The following CLIC5 variants were observed in gnomAD, a reference collection of about 807,000 sequenced individuals.
CLIC5 encodes the protein CLIC family member 5, also known as chloride intracellular channel protein 5.
Under a neutral mutation model 24.7 loss-of-function variants are expected in CLIC5, and 20 were observed. The ratio of observed to expected loss-of-function variants is 0.81; its 90% confidence interval spans 0.57 to 1.18. CLIC5 has a LOEUF of 1.18. CLIC5 is among the 50% of genes most tolerant of loss of function. CLIC5 has a pLI of 0.00. For missense variants in CLIC5, 341 were observed against 326.1 expected, an observed-to-expected ratio of 1.05 and a Z score of -0.35; for synonymous variants, 159 against 135.6, an observed-to-expected ratio of 1.17 and a Z score of -1.20.
upstream of CLIC5, among the ~76,000 whole-genome samples, chr6:46,081,619 T>TATC (rs1217733713): frequency 6.6e-6 from 1 of 152,208 alleles, no homozygotes; most frequent in Non-Finnish European, 1.5e-5. Context: ...CTTACACATT[T>TATC]TGATAGGTTC....
chr6:46,043,180 C>A (rs1581893551), intron 1 of CLIC5, among the ~76,000 whole-genome samples: 1 of 152,146 alleles, frequency 6.6e-6, no homozygotes, highest in South Asian at 2.1e-4. Context: ...ATTAACGGTG[C>A]TGATAATGAT....
chr6:46,092,173 G>A, the CLIC5 span, among the ~76,000 whole-genome samples: 1 of 152,258 alleles, frequency 6.6e-6, no homozygotes, highest in Non-Finnish European at 1.5e-5. Context: ...TGGGTAAATT[G>A]ATTTGTCCAA....
chr6:45,989,509 C>T (rs1765856179), intron 1 of CLIC5, among the ~76,000 whole-genome samples: 1 of 152,170 alleles, frequency 6.6e-6, no homozygotes, highest in African/African-American at 2.4e-5. Context: ...GATAATATTA[C>T]TGTTTGACCA....
chr6:45,921,142 C>A (rs1226937935), intron 4 of CLIC5, among the ~76,000 whole-genome samples: 5 of 152,156 alleles, frequency 3.3e-5, no homozygotes, highest in Admixed American at 6.6e-5. Context: ...CCGCAGTGAC[C>A]TTTCTAGGAC....
intron 1 of CLIC5, among the ~76,000 whole-genome samples, chr6:46,039,735 G>T (rs1180598180): frequency 4.6e-5 from 7 of 152,070 alleles, no homozygotes; most frequent in Non-Finnish European, 8.8e-5. Flanking sequence ...AATGAACAGA[G>T]AATTCATCTA....
At chr6:45,883,731 G>A (rs1341482616) in intron 6 of CLIC5, 1 of 152,254 alleles carries the variant, frequency 6.6e-6, no homozygotes, top group African/African-American at 2.4e-5. Context: ...GAAACACAGT[G>A]CCACAAGGGG....
the CLIC5 span, among the ~76,000 whole-genome samples, chr6:46,116,631 T>C: frequency 2.6e-5 from 4 of 152,176 alleles, no homozygotes; most frequent in Admixed American, 6.5e-5. Flanking sequence ...ATTTGAACAA[T>C]AGGGTAAGGC....
chr6:45,898,219 A>C (rs2127287844), downstream of CLIC5, among the ~76,000 whole-genome samples: 1 of 152,206 alleles, frequency 6.6e-6, no homozygotes, highest in East Asian at 1.9e-4. Context: ...ATTACAGTCG[A>C]ATCACTTGAG....
chr6:46,041,517 C>T (rs944285401), intron 1 of CLIC5, among the ~76,000 whole-genome samples: 2 of 152,204 alleles, frequency 1.3e-5, no homozygotes, highest in Non-Finnish European at 2.9e-5. Flanking sequence ...CCCAGTTCTT[C>T]GTTCCTCACT....
intron 1 of CLIC5, among the ~76,000 whole-genome samples, chr6:46,047,068 A>C (rs771859925): frequency 6.6e-6 from 1 of 152,208 alleles, no homozygotes; most frequent in Non-Finnish European, 1.5e-5. Flanking sequence ...CAAAATTTGC[A>C]AGCATAAGAT....
intron 1 of CLIC5, among the ~76,000 whole-genome samples, chr6:45,973,279 C>T (rs779189343): frequency 6.6e-6 from 1 of 152,188 alleles, no homozygotes; most frequent in Admixed American, 6.5e-5. Flanking sequence ...AAACTGGGCT[C>T]TCTAAAGGTG....
At chr6:45,947,411 T>C (rs1356953117) in intron 3 of CLIC5, among the ~76,000 whole-genome samples, 8 of 151,354 alleles carry the variant, frequency 5.3e-5, no homozygotes, top group East Asian at 3.9e-4. Context: ...GTTCAAGAGG[T>C]GAAGGGACTG....
chr6:45,979,951 CTTTTTTT>C (rs3997321), intron 1 of CLIC5, among the ~76,000 whole-genome samples: 4 of 95,042 alleles, frequency 4.2e-5, no homozygotes, highest in African/African-American at 1.2e-4. Flanking sequence ...GACTTAGTCA[CTTTTTTT>C]TTTTTTTTTT....
the CLIC5 span, among the ~76,000 whole-genome samples, chr6:46,098,717 T>C: frequency 6.6e-6 from 1 of 152,154 alleles, no homozygotes; most frequent in Non-Finnish European, 1.5e-5. Flanking sequence ...AACGGAAGCA[T>C]AACTATTGCT....
intron 1 of CLIC5, among the ~76,000 whole-genome samples, chr6:46,051,858 G>A (rs1246913842): frequency 3.3e-5 from 5 of 152,164 alleles, no homozygotes; most frequent in Non-Finnish European, 5.9e-5. Context: ...ATGGCACCCA[G>A]CTATTATGTT....
exon 1 of CLIC5, chr6:46,079,979 G>A: frequency 1.3e-6 from 2 of 1,551,722 alleles, no homozygotes; most frequent in Non-Finnish European, 1.7e-6. Flanking sequence ...GGAGTTCAGA[G>A]TATATCTCAT....
At position 45,999,020 on chromosome 6, in the gene CLIC5, A is replaced by G. The variant is rs140151301; in HGVS notation, c.63+16460T>C. 1.6e-3 allele frequency among the ~76,000 whole-genome samples: 239 copies of G among 152,308 alleles called. 1 individual carries two copies. The highest frequency in any genetic ancestry group is 5.5e-3 in the African/African-American group (227 of 41,580). ...TTACAGAGGACATTTGCTGACCTCAACCTAGGCTATGAGAGCTCCAAGGCC... is the reference window on the plus strand; with the variant it reads ...TTACAGAGGACATTTGCTGACCTCAGCCTAGGCTATGAGAGCTCCAAGGCC... On this transcript the variant is annotated intron_variant, in intron 1 of 5. Transcript: ENST00000339561.
At chr6:46,111,113 T>A in the CLIC5 span, among the ~76,000 whole-genome samples, 1,421 of 152,144 alleles carry the variant, frequency 9.3e-3, 31 homozygotes, top group Non-Finnish European at 0.012. Context: ...GTTACAAGTC[T>A]CCAAACTAAT....
At chr6:45,957,532 G>T (rs4711836) in intron 1 of CLIC5, among the ~76,000 whole-genome samples, 1 of 152,042 alleles carries the variant, frequency 6.6e-6, no homozygotes, top group African/African-American at 2.4e-5. Flanking sequence ...CCAGGTGCTG[G>T]GGAGGGCTGG....
Sources: gnomAD v4.1 joint callset for allele counts (sites outside exome capture counted in the v4.1 genomes callset) on GRCh38, gnomAD v4.1.1 for gene constraint, MANE v1.5 for transcripts, NCBI Gene and HGNC (gene_info 2026-07-23, HGNC 2026-07-21) for gene names.